The following MYO16 variants were observed in gnomAD, a reference collection of about 807,000 sequenced individuals.
MYO16 encodes the protein myosin XVI.
In MYO16, 94 loss-of-function variants were observed where a neutral mutation model predicts 205.3. That is an observed-to-expected ratio of 0.46 (90% CI 0.39 to 0.54). MYO16 has a LOEUF of 0.54. MYO16 is among the 20% of genes least tolerant of loss of function. The pLI is 0.00. For synonymous variants in MYO16, 988 were observed against 954.0 expected (o/e 1.04, Z -0.66); for missense variants, 2,315 against 2,387.5 (o/e 0.97, Z 0.63).
chr13:109,170,729 A>G (rs967251787), intron 33 of MYO16, among the ~76,000 whole-genome samples: 3 of 152,118 alleles, frequency 2.0e-5, no homozygotes. Context: ...AAAACCAAGG[A>G]AACAAGCAGA....
chr13:108,933,536 A>T (rs1882351620), intron 16 of MYO16, among the ~76,000 whole-genome samples: 1 of 151,648 alleles, frequency 6.6e-6, no homozygotes, highest in Non-Finnish European at 1.5e-5. Context: ...TGTGTATGAG[A>T]TTAAAAGCAT....
At chr13:108,737,420 G>A (rs924554412) in intron 4 of MYO16, among the ~76,000 whole-genome samples, 9 of 152,114 alleles carry the variant, frequency 5.9e-5, no homozygotes, top group African/African-American at 2.2e-4. Context: ...CTTTGGTTCT[G>A]TTTATATTCT....
intron 34 of MYO16, among the ~76,000 whole-genome samples, chr13:109,182,955 A>G (rs1022140040): frequency 6.6e-6 from 1 of 152,228 alleles, no homozygotes; most frequent in African/African-American, 2.4e-5. Flanking sequence ...AGCACTGGGC[A>G]TGAATAAAAC....
At chr13:108,713,712 GTTA>G (rs1305571360) in intron 3 of MYO16, among the ~76,000 whole-genome samples, 3 of 152,186 alleles carry the variant, frequency 2.0e-5, no homozygotes, top group Non-Finnish European at 2.9e-5. Context: ...TGGAATGCAA[GTTA>G]TTATACAGTC....
chr13:108,706,511 C>G (rs1883515535), intron 2 of MYO16, among the ~76,000 whole-genome samples: 1 of 152,168 alleles, frequency 6.6e-6, no homozygotes, highest in Non-Finnish European at 1.5e-5. Context: ...AGAAGCACTG[C>G]AAATCCTTCT....
chr13:108,583,984 C>T, the MYO16 span, among the ~76,000 whole-genome samples: 187 of 152,290 alleles, frequency 1.2e-3, no homozygotes, highest in Middle Eastern at 3.4e-3. Context: ...TACGGAGTCT[C>T]GCTCTGTCAC....
chr13:108,973,943 TAA>T (rs960431497), intron 20 of MYO16, among the ~76,000 whole-genome samples: 2 of 146,216 alleles, frequency 1.4e-5, no homozygotes, highest in Non-Finnish European at 3.0e-5. Flanking sequence ...GCTGGCTGGT[TAA>T]AAAAAAAAAC....
At chr13:109,058,898 A>G (rs2139620370) in intron 27 of MYO16, among the ~76,000 whole-genome samples, 2 of 152,274 alleles carry the variant, frequency 1.3e-5, no homozygotes, top group South Asian at 4.1e-4. Flanking sequence ...GAATTTCTAA[A>G]TCCTTTGTTG....
intron 33 of MYO16, among the ~76,000 whole-genome samples, chr13:109,169,723 C>A (rs989781000): frequency 3.9e-5 from 6 of 152,270 alleles, no homozygotes; most frequent in African/African-American, 1.2e-4. Flanking sequence ...TGAATGCCTT[C>A]CTACAAGGAA....
At chr13:108,532,607 A>G in the MYO16 span, among the ~76,000 whole-genome samples, 6 of 150,618 alleles carry the variant, frequency 4.0e-5, no homozygotes, top group Admixed American at 4.0e-4. Context: ...AGCTTGGGCA[A>G]CATAGTGAGA....
At chr13:108,820,501 A>G (rs9521065) in intron 8 of MYO16, 89 bp downstream of exon 8, 1,033,325 of 1,074,734 alleles carry the variant, frequency 0.96, 504,930 homozygotes, top group Non-Finnish European at 1. Context: ...CACAGCTACA[A>G]AGTGAGAGCT....
chr13:108,561,311 C>T, the MYO16 span, among the ~76,000 whole-genome samples: 1 of 152,194 alleles, frequency 6.6e-6, no homozygotes, highest in South Asian at 2.1e-4. Context: ...GACTTGTTTA[C>T]GTAACAGAAA....
chr13:109,087,489 TA>T (rs1373025340), intron 27 of MYO16, among the ~76,000 whole-genome samples: 3 of 152,064 alleles, frequency 2.0e-5, no homozygotes, highest in Non-Finnish European at 4.4e-5. Flanking sequence ...CTACTAAAAA[TA>T]CAAAAATTAG....
chr13:108,554,260 G>C, the MYO16 span, among the ~76,000 whole-genome samples: 8,289 of 151,248 alleles, frequency 0.055, 718 homozygotes, highest in African/African-American at 0.18. Flanking sequence ...AAAAAAAAAG[G>C]CTTCCTTCCC....
At chr13:108,898,351 A>AGTGTGAGT (rs1555310477) in intron 15 of MYO16, among the ~76,000 whole-genome samples, 2 of 145,092 alleles carry the variant, frequency 1.4e-5, no homozygotes, top group Non-Finnish European at 3.0e-5. Context: ...AGGGTGTGTG[A>AGTGTGAGT]GTGTGTGTGT....
At chr13:108,738,576 A>C (rs1023257111) in intron 4 of MYO16, among the ~76,000 whole-genome samples, 1 of 152,172 alleles carries the variant, frequency 6.6e-6, no homozygotes, top group Admixed American at 6.5e-5. Flanking sequence ...CAATTTTGGA[A>C]TAAGTCTGAT....
In MYO16 at chr13:108,962,499, A is replaced by AT. The variant is rs377500724; in HGVS notation, c.2227+11dup. The AT allele has an allele frequency of 1.9e-6, 3 of 1,560,270 alleles. No individual in the cohort carries two copies. Among genetic ancestry groups the AT allele is most frequent in the South Asian group, 1.2e-5 (1 of 84,698 alleles). ...ACTGATATTCAATATTTTAAAGGTA[A>AT]TTTTTTTATGCTCTAACATCTTTGT... On this transcript the variant is annotated splice_donor_region_variant and intron_variant, in intron 19 of 34. Transcript: ENST00000457511.
intron 32 of MYO16, among the ~76,000 whole-genome samples, chr13:109,154,203 C>T (rs1455208503): frequency 1.3e-5 from 2 of 152,232 alleles, no homozygotes; most frequent in East Asian, 3.9e-4. Context: ...TATGCTTCAG[C>T]TGGTGTCCAC....
intron 28 of MYO16, among the ~76,000 whole-genome samples, chr13:109,118,296 C>T (rs1875823181): frequency 2.0e-5 from 3 of 152,192 alleles, no homozygotes; most frequent in Admixed American, 2.0e-4. Context: ...CAGAGGCCTC[C>T]TTCATATCCC....
Sources: allele counts gnomAD v4.1 joint callset (sites outside exome capture counted in the v4.1 genomes callset), GRCh38; gene constraint gnomAD v4.1.1; transcripts MANE v1.5; gene names NCBI Gene and HGNC (gene_info 2026-07-23, HGNC 2026-07-21).